LRRC37A2: variants seen among roughly 807,000 people sequenced by gnomAD.
The protein encoded by LRRC37A2 is leucine rich repeat containing 37 member A2.
Under a neutral mutation model 68.8 loss-of-function variants are expected in LRRC37A2, and 9 were observed. That is an observed-to-expected ratio of 0.13 (90% CI 0.08 to 0.23). The LOEUF is 0.23. Ranked by LOEUF, LRRC37A2 falls within the 10% of genes least tolerant of loss-of-function variation. The pLI, the probability that LRRC37A2 is intolerant of heterozygous loss-of-function variation, is 1.00. For synonymous variants in LRRC37A2, 63 were observed against 367.6 expected (o/e 0.17, Z 9.48); for missense variants, 168 against 950.4 (o/e 0.18, Z 10.82).
At chr17:47,026,334 G>A in the LRRC37A2 span, among the ~76,000 whole-genome samples, 38 of 152,278 alleles carry the variant, frequency 2.5e-4, no homozygotes, top group African/African-American at 8.7e-4. Context: ...GATCTTCTAG[G>A]GCTTTGAATG....
chr17:46,901,564 A>G, the LRRC37A2 span, among the ~76,000 whole-genome samples: 1 of 152,204 alleles, frequency 6.6e-6, no homozygotes, highest in Non-Finnish European at 1.5e-5. Context: ...GCCCTGTTAC[A>G]TAGAGCAAGC....
At chr17:47,000,091 T>TAAAATAAAATAAAAATAA in the LRRC37A2 span, among the ~76,000 whole-genome samples, 22 of 62,590 alleles carry the variant, frequency 3.5e-4, no homozygotes, top group South Asian at 2.2e-3. Context: ...TAAAATAAAA[T>TAAAATAAAATAAAAATAA]AAAATAAAAT....
chr17:46,826,154 T>C, the LRRC37A2 span, among the ~76,000 whole-genome samples: 15 of 152,240 alleles, frequency 9.9e-5, no homozygotes, highest in Non-Finnish European at 1.8e-4. Flanking sequence ...TCCTTGGAGA[T>C]GGTGAAGAAA....
the LRRC37A2 span, among the ~76,000 whole-genome samples, chr17:46,783,308 T>C: frequency 6.6e-6 from 1 of 152,134 alleles, no homozygotes; most frequent in African/African-American, 2.4e-5. Context: ...GGCCTGGTGA[T>C]TTGTGGAGTC....
At chr17:46,521,295 T>A (rs2052249820) in intron 4 of LRRC37A2, among the ~76,000 whole-genome samples, 1 of 55,106 alleles carries the variant, frequency 1.8e-5, no homozygotes, top group African/African-American at 6.3e-5. Flanking sequence ...GCAAACAGAT[T>A]CTCTCAAATA....
At chr17:46,802,406 C>T in the LRRC37A2 span, among the ~76,000 whole-genome samples, 2 of 152,346 alleles carry the variant, frequency 1.3e-5, no homozygotes, top group South Asian at 4.1e-4. Context: ...ACTGGGATTA[C>T]AGGCACCTGC....
chr17:46,721,003 C>A, the LRRC37A2 span, among the ~76,000 whole-genome samples: 1 of 152,186 alleles, frequency 6.6e-6, no homozygotes, highest in African/African-American at 2.4e-5. Context: ...ACAGGTGGCT[C>A]CCCAGTTGTC....
At chr17:46,558,626 A>G (rs2057423305), downstream of LRRC37A2, among the ~76,000 whole-genome samples, 1 of 125,514 alleles carries the variant, frequency 8.0e-6, no homozygotes. Flanking sequence ...CCTGACCTCA[A>G]GTGATCCGCT....
At chr17:46,418,215 TTG>T in the LRRC37A2 span, among the ~76,000 whole-genome samples, 64 of 62,670 alleles carry the variant, frequency 1.0e-3, 19 homozygotes, top group African/African-American at 2.1e-3. Context: ...GTGTGTGTGT[TTG>T]TGTGTGTGTG....
chr17:46,756,841 A>G, the LRRC37A2 span: 2 of 152,586 alleles, frequency 1.3e-5, no homozygotes, highest in African/African-American at 4.8e-5. Context: ...GTCCATTCCA[A>G]TACATTGAAC....
chr17:46,839,940 CTTTCT>C, the LRRC37A2 span, among the ~76,000 whole-genome samples: 5 of 148,120 alleles, frequency 3.4e-5, no homozygotes, highest in African/African-American at 1.2e-4. Context: ...TTCTTTCTTT[CTTTCT>C]TTCTTTCTTT....
the LRRC37A2 span, among the ~76,000 whole-genome samples, chr17:46,945,612 G>A: frequency 1.3e-5 from 2 of 152,166 alleles, no homozygotes; most frequent in Non-Finnish European, 2.9e-5. Context: ...GGGCTATGCA[G>A]AAGGGAAGCA....
chr17:46,864,919 G>A, the LRRC37A2 span, among the ~76,000 whole-genome samples: 1 of 152,252 alleles, frequency 6.6e-6, no homozygotes, highest in East Asian at 1.9e-4. Flanking sequence ...CTTCTGGGCC[G>A]GGTGACCTTA....
At chr17:46,736,007 G>A in the LRRC37A2 span, among the ~76,000 whole-genome samples, 1 of 152,102 alleles carries the variant, frequency 6.6e-6, no homozygotes, top group African/African-American at 2.4e-5. Flanking sequence ...TAGGAAAACT[G>A]AAGAACGTAT....
chr17:46,949,653 C>A, the LRRC37A2 span, among the ~76,000 whole-genome samples: 1 of 152,192 alleles, frequency 6.6e-6, no homozygotes, highest in Admixed American at 6.5e-5. Flanking sequence ...GTGCACAAAC[C>A]GTCACACAGG....
the LRRC37A2 span, among the ~76,000 whole-genome samples, chr17:46,761,992 C>A: frequency 6.6e-6 from 1 of 152,252 alleles, no homozygotes; most frequent in African/African-American, 2.4e-5. Context: ...AGGGCACACG[C>A]TTTCTTCTTG....
the LRRC37A2 span, among the ~76,000 whole-genome samples, chr17:46,595,513 C>T: frequency 1.1e-4 from 13 of 118,562 alleles, 4 homozygotes; most frequent in East Asian, 4.2e-3. Flanking sequence ...TTTTTTGAGA[C>T]GGAGTCTTGC....
the LRRC37A2 span, chr17:46,885,123 G>C: frequency 1.7e-5 from 7 of 409,028 alleles, no homozygotes; most frequent in Non-Finnish European, 2.9e-5. Context: ...TGAGTAACTG[G>C]GATTACAGGC....
At chr17:46,646,526 AAAAAAAAAAGAAG>A in the LRRC37A2 span, among the ~76,000 whole-genome samples, 1 of 3,066 alleles carries the variant, frequency 3.3e-4, no homozygotes, top group African/African-American at 7.4e-4. Flanking sequence ...AAAAAAAAAA[AAAAAAAAAAGAAG>A]AAGATAATGT....
Sources: gnomAD v4.1 joint callset for allele counts (sites outside exome capture counted in the v4.1 genomes callset) on GRCh38, gnomAD v4.1.1 for gene constraint, MANE v1.5 for transcripts, NCBI Gene and HGNC (gene_info 2026-07-23, HGNC 2026-07-21) for gene names.